Variants in SPAM1 observed in about 807,000 individuals in gnomAD.
SPAM1 encodes sperm adhesion molecule 1, also known as hyaluronidase PH-20.
A neutral mutation model predicts 29.6 loss-of-function variants in SPAM1; 22 were observed. The observed-to-expected ratio is 0.74, with a 90% CI of 0.53 to 1.06. The LOEUF (loss-of-function observed/expected upper bound fraction) is 1.06, where lower values mean the gene tolerates loss of function less well. Ranked by LOEUF, SPAM1 falls within the 50% of genes least tolerant of loss-of-function variation. The probability of loss-of-function intolerance (pLI) is 0.00; values close to 1 mark genes in which losing one functional copy is unlikely to be tolerated. For missense variants in SPAM1, 534 were observed against 604.0 expected (o/e 0.88, Z 1.21); for synonymous variants, 194 against 204.6 (o/e 0.95, Z 0.44).
At chr7:123,960,727 T>A (rs186349000), downstream of SPAM1, among the ~76,000 whole-genome samples, 2 of 152,028 alleles carry the variant, frequency 1.3e-5, no homozygotes, top group East Asian at 2.0e-4. Flanking sequence ...TCCAAATCCA[T>A]TCGGCTAGGT....
intron 5 of SPAM1, among the ~76,000 whole-genome samples, chr7:123,969,801 G>T (rs1450579550): frequency 3.3e-5 from 5 of 150,912 alleles, no homozygotes; most frequent in African/African-American, 7.3e-5. Context: ...GACTCACCCA[G>T]ATTTTAAGAT....
chr7:123,950,386 T>C (rs897715389), intron 2 of SPAM1, among the ~76,000 whole-genome samples: 1 of 152,010 alleles, frequency 6.6e-6, no homozygotes, highest in African/African-American at 2.4e-5. Flanking sequence ...ATGTACCCAA[T>C]AGGTAATTTT....
intron 1 of SPAM1, chr7:123,926,034 T>C (rs1301197934): frequency 6.6e-6 from 1 of 152,086 alleles, no homozygotes; most frequent in Admixed American, 6.5e-5. Flanking sequence ...CAATTCATCA[T>C]GCCAAAAGGA....
At chr7:123,950,713 A>G (rs1401839146) in intron 2 of SPAM1, among the ~76,000 whole-genome samples, 1 of 152,150 alleles carries the variant, frequency 6.6e-6, no homozygotes, top group Non-Finnish European at 1.5e-5. Flanking sequence ...GAATAGTGCT[A>G]CAATGAAGAT....
At chr7:123,927,121 G>C (rs1033159757) in intron 1 of SPAM1, among the ~76,000 whole-genome samples, 2 of 152,070 alleles carry the variant, frequency 1.3e-5, no homozygotes, top group African/African-American at 4.8e-5. Flanking sequence ...ACAATATGTA[G>C]GGTCCAATAA....
chr7:123,953,790 T>G lies in SPAM1; in HGVS notation c.220T>G (p.Ser74Ala). Residue 74 changes from serine to alanine, a missense_variant, in exon 3 of 5, where the codon TCT (serine) becomes GCT (alanine). Transcript: ENST00000682466. The part of the protein sequence containing the change: ...FDEPLDMSLF[S>A]FIGSPRINAT... ...TGAGCCACTAGATATGAGCCTCTTCTCTTTCATAGGAAGCCCCCGAATAAA... is the reference window on the plus strand; with the variant it reads ...TGAGCCACTAGATATGAGCCTCTTCGCTTTCATAGGAAGCCCCCGAATAAA... 3.7e-6 allele frequency: 6 copies of G among 1,612,486 alleles called. No homozygotes were observed. Among genetic ancestry groups the G allele is most frequent in the Non-Finnish European group, 5.1e-6 (6 of 1,179,426 alleles).
intron 5 of SPAM1, among the ~76,000 whole-genome samples, chr7:123,966,244 G>C (rs1457609033): frequency 6.6e-6 from 1 of 151,986 alleles, no homozygotes; most frequent in African/African-American, 2.4e-5. Context: ...CAGTCAGAAT[G>C]GCAATTATTA....
At chr7:123,955,201 G>A (rs1422657404) in intron 4 of SPAM1, 115 bp downstream of exon 4, 40 of 699,134 alleles carry the variant, frequency 5.7e-5, no homozygotes, top group Non-Finnish European at 2.0e-5. Context: ...GTAGTAATAG[G>A]TGCTCAATTA....
chr7:123,935,161 A>C (rs1056721899), intron 1 of SPAM1, among the ~76,000 whole-genome samples: 3 of 152,168 alleles, frequency 2.0e-5, no homozygotes, highest in African/African-American at 7.2e-5. Flanking sequence ...CTTCTTCCTA[A>C]TACAGGGAGG....
At chr7:123,947,574 A>T (rs1423734518) in intron 1 of SPAM1, 1 of 92,586 alleles carries the variant, frequency 1.1e-5, no homozygotes, top group Non-Finnish European at 2.2e-5. Context: ...CTGAGATTAA[A>T]ACACCACACA....
chr7:123,937,338 A>G (rs892129139), intron 1 of SPAM1, among the ~76,000 whole-genome samples: 3 of 152,160 alleles, frequency 2.0e-5, no homozygotes, highest in Admixed American at 2.0e-4. Flanking sequence ...GCGGTGGCTC[A>G]CGCCTGTAAT....
chr7:123,929,534 G>T (rs1808001791), intron 1 of SPAM1, among the ~76,000 whole-genome samples: 1 of 152,042 alleles, frequency 6.6e-6, no homozygotes, highest in South Asian at 2.1e-4. Context: ...TCTTCTGAAA[G>T]GTGTGTGTTT....
chr7:123,936,141 C>T (rs937260679), intron 1 of SPAM1, among the ~76,000 whole-genome samples: 2 of 152,222 alleles, frequency 1.3e-5, no homozygotes, highest in African/African-American at 4.8e-5. Context: ...CATATGCCTG[C>T]TGCACAGTAA....
chr7:123,943,820 G>A (rs1808496975), intron 1 of SPAM1, among the ~76,000 whole-genome samples: 1 of 152,004 alleles, frequency 6.6e-6, no homozygotes, highest in Admixed American at 6.6e-5. Context: ...AAAAACGAAA[G>A]CAGAAACCTT....
At chr7:123,930,762 G>T (rs995115692) in intron 1 of SPAM1, among the ~76,000 whole-genome samples, 1 of 152,160 alleles carries the variant, frequency 6.6e-6, no homozygotes, top group Non-Finnish European at 1.5e-5. Flanking sequence ...AGGATGGTCT[G>T]GTCGTGGAGA....
chr7:123,951,222 G>A (rs1447618724), intron 2 of SPAM1, among the ~76,000 whole-genome samples: 1 of 152,090 alleles, frequency 6.6e-6, no homozygotes, highest in Non-Finnish European at 1.5e-5. Context: ...TGTTTACTCT[G>A]TTGATGATCT....
At chr7:123,957,384 G>A (rs755003010) in intron 4 of SPAM1, among the ~76,000 whole-genome samples, 6 of 151,926 alleles carry the variant, frequency 3.9e-5, no homozygotes, top group Non-Finnish European at 7.4e-5. Flanking sequence ...TGAACCTGCC[G>A]TGCTAGTGAA....
chr7:123,947,949 A>G lies in SPAM1; in HGVS notation c.-318-1923A>G, dbSNP rs912490107. ...CAAAACATATCTGGGTGACACTGGG[A>G]AAGTTAAGACGAGGCTGGAAAGAAC... On this transcript the variant is annotated intron_variant, in intron 1 of 4. Coordinates refer to ENST00000682466, the MANE Select transcript of SPAM1 (RefSeq NM_153189.3). Among the ~76,000 whole-genome samples the G allele has an allele frequency of 7.2e-5, 11 of 152,250 alleles. 3 individuals carry two copies. Among genetic ancestry groups the G allele is most frequent in the Admixed American group, 7.2e-4 (11 of 15,280 alleles).
chr7:123,943,918 C>G (rs565130839), intron 1 of SPAM1, among the ~76,000 whole-genome samples: 10 of 152,192 alleles, frequency 6.6e-5, no homozygotes, highest in African/African-American at 2.4e-4. Flanking sequence ...TATAAACTGC[C>G]TGTAAAACTT....
Sources: allele counts gnomAD v4.1 joint callset (sites outside exome capture counted in the v4.1 genomes callset), GRCh38; gene constraint gnomAD v4.1.1; transcripts MANE v1.5; gene names NCBI Gene and HGNC (gene_info 2026-07-23, HGNC 2026-07-21).